Variants in STIM1 observed in about 807,000 individuals in gnomAD.
STIM1 encodes stromal interaction molecule 1.
STIM1 carries 25 observed loss-of-function variants against 74.7 expected under a neutral mutation model. That is an observed-to-expected ratio of 0.33 (90% confidence interval 0.24 to 0.47). The LOEUF is 0.47. Ranked by LOEUF, STIM1 falls within the 20% of genes least tolerant of loss-of-function variation. The pLI is 1.00. For synonymous variants in STIM1, 328 were observed against 348.8 expected, an observed-to-expected ratio of 0.94 and a Z score of 0.66; for missense variants, 728 against 920.8, an observed-to-expected ratio of 0.79 and a Z score of 2.71.
At chr11:4,013,928 C>G (rs112481005) in intron 2 of STIM1, among the ~76,000 whole-genome samples, 4,071 of 151,752 alleles carry the variant, frequency 0.027, 179 homozygotes, top group African/African-American at 0.094. Flanking sequence ...AGGATGGTCT[C>G]GATCTCCTGA....
intron 2 of STIM1, among the ~76,000 whole-genome samples, chr11:4,021,956 G>T (rs566156667): frequency 6.6e-6 from 1 of 152,050 alleles, no homozygotes; most frequent in South Asian, 2.1e-4. Context: ...TTGTAAATGG[G>T]ATTTTTTTTA....
intron 2 of STIM1, among the ~76,000 whole-genome samples, chr11:4,006,088 G>A (rs2093777481): frequency 6.6e-6 from 1 of 152,198 alleles, no homozygotes. Context: ...TGCTGGAGGT[G>A]GGGCTGTTAG....
At chr11:4,082,104 T>C in intron 7 of STIM1, 80 bp from the exon 8 acceptor site, 1 of 1,415,260 alleles carries the variant, frequency 7.1e-7, no homozygotes, top group Non-Finnish European at 1.0e-6. Flanking sequence ...AGATAAGAAG[T>C]CTGAGTTCTG....
At chr11:3,968,997 C>A (rs2135741886) in intron 2 of STIM1, among the ~76,000 whole-genome samples, 1 of 152,288 alleles carries the variant, frequency 6.6e-6, no homozygotes, top group South Asian at 2.1e-4. Flanking sequence ...AAAGCCCATG[C>A]TCTTAAGTAC....
chr11:4,044,036 G>C (rs2094171000), intron 3 of STIM1, among the ~76,000 whole-genome samples: 1 of 152,004 alleles, frequency 6.6e-6, no homozygotes. Flanking sequence ...AAAAAGATAG[G>C]AGTTAAGTCA....
chr11:4,066,710 C>A (rs1440895598), intron 5 of STIM1, among the ~76,000 whole-genome samples: 1 of 152,060 alleles, frequency 6.6e-6, no homozygotes, highest in Non-Finnish European at 1.5e-5. Context: ...GAAAAACACA[C>A]AAGACAGTCC....
chr11:4,089,655 A>C (rs1260117754), intron 12 of STIM1, among the ~76,000 whole-genome samples: 1 of 152,224 alleles, frequency 6.6e-6, no homozygotes, highest in Admixed American at 6.5e-5. Context: ...GTACTGGCCC[A>C]TGGGGTGGCT....
chr11:3,871,994 CCTCT>C (rs2091114631), intron 1 of STIM1, among the ~76,000 whole-genome samples: 2 of 152,072 alleles, frequency 1.3e-5, no homozygotes, highest in Admixed American at 6.5e-5. Context: ...TTGGTTTATC[CCTCT>C]CTCTTTAGTA....
intron 3 of STIM1, among the ~76,000 whole-genome samples, chr11:4,032,768 T>C (rs987673980): frequency 2.0e-5 from 3 of 152,248 alleles, no homozygotes; most frequent in African/African-American, 7.2e-5. Context: ...TTCATAGTTT[T>C]TTATGCTGTT....
At chr11:3,971,619 G>A (rs2093396741) in intron 2 of STIM1, among the ~76,000 whole-genome samples, 1 of 152,144 alleles carries the variant, frequency 6.6e-6, no homozygotes, top group African/African-American at 2.4e-5. Flanking sequence ...CCGTTTAAGT[G>A]CTCCAAACCT....
intron 1 of STIM1, among the ~76,000 whole-genome samples, chr11:3,861,326 C>A (rs1418457918): frequency 6.6e-6 from 1 of 151,860 alleles, no homozygotes; most frequent in African/African-American, 2.4e-5. Flanking sequence ...CTCCACCTCC[C>A]AGGTTCATGC....
chr11:3,917,404 A>T (rs1475543434), intron 1 of STIM1, among the ~76,000 whole-genome samples: 1 of 152,012 alleles, frequency 6.6e-6, no homozygotes, highest in Non-Finnish European at 1.5e-5. Flanking sequence ...CTTTGATTAC[A>T]AAAGGTGAAT....
chr11:4,016,758 A>G (rs1314609492), intron 2 of STIM1, among the ~76,000 whole-genome samples: 1 of 152,136 alleles, frequency 6.6e-6, no homozygotes, highest in Non-Finnish European at 1.5e-5. Flanking sequence ...AGAACTGCCT[A>G]CTCAAGCCTC....
intron 1 of STIM1, among the ~76,000 whole-genome samples, chr11:3,928,281 A>G (rs1217208749): frequency 6.7e-5 from 10 of 149,028 alleles, no homozygotes; most frequent in Admixed American, 1.3e-4. Context: ...GCTGGAGTGC[A>G]GTGGTGCAAT....
chr11:3,894,348 T>G (rs146429867), intron 1 of STIM1, among the ~76,000 whole-genome samples: 1 of 152,306 alleles, frequency 6.6e-6, no homozygotes, highest in Non-Finnish European at 1.5e-5. Context: ...GAGAGATTGG[T>G]GGACTGTCTT....
rs200795250 is a variant in STIM1, at chr11:4,083,367, A to C, written c.1343A>C (p.His448Pro). Residue 448 changes from histidine to proline, a missense_variant, in exon 10 of 13, where the codon CAC (histidine) becomes CCC (proline). Physicochemically the swap from His to Pro is moderately conservative, Grantham distance 77. This residue lies in a region of STIM1 where 352 missense variants were observed against 370.1 expected (regional missense o/e 0.95). Transcript: ENST00000526596. ...CAGATTGTCAACAACCCTGGCATCCACTCACTGGTGGCTGCCCTCAACATA... is the reference window on the plus strand; with the variant it reads ...CAGATTGTCAACAACCCTGGCATCCCCTCACTGGTGGCTGCCCTCAACATA... Reference protein sequence around the residue: ...GFQIVNNPGIHSLVAALNIDP... With the variant: ...GFQIVNNPGIPSLVAALNIDP... 1.2e-6 allele frequency: 2 copies of C among 1,613,992 alleles called. No homozygotes were observed. The highest frequency in any genetic ancestry group is 1.7e-6 in the Non-Finnish European group (2 of 1,180,028).
intron 6 of STIM1, among the ~76,000 whole-genome samples, chr11:4,072,059 C>T (rs576582961): frequency 3.3e-5 from 5 of 152,300 alleles, no homozygotes; most frequent in African/African-American, 1.2e-4. Context: ...GTTTGAAAAA[C>T]ATGTACTGTT....
chr11:3,868,686 T>C (rs999367858), intron 1 of STIM1, among the ~76,000 whole-genome samples: 4 of 152,224 alleles, frequency 2.6e-5, no homozygotes, highest in African/African-American at 9.6e-5. Flanking sequence ...ATTTTACTTA[T>C]GAATTCTGAG....
intron 3 of STIM1, among the ~76,000 whole-genome samples, chr11:4,043,866 T>G (rs898959990): frequency 6.8e-4 from 103 of 151,486 alleles, no homozygotes; most frequent in African/African-American, 2.3e-3. Context: ...AATACAAAAA[T>G]TAGCTGGGCG....
Sources: allele counts gnomAD v4.1 joint callset (sites outside exome capture counted in the v4.1 genomes callset), GRCh38; gene constraint gnomAD v4.1.1; regional missense constraint gnomAD v4.1.1; transcripts MANE v1.5; gene names NCBI Gene and HGNC (gene_info 2026-07-23, HGNC 2026-07-21).